Variants in RFX4 observed in about 807,000 individuals in gnomAD.
The protein encoded by RFX4 is regulatory factor X4.
A neutral mutation model predicts 95.0 loss-of-function variants in RFX4; 10 were observed. That is an observed-to-expected ratio of 0.11 (90% confidence interval 0.06 to 0.18). The LOEUF (loss-of-function observed/expected upper bound fraction) is 0.18, where lower values mean the gene tolerates loss of function less well. Ranked by LOEUF, RFX4 falls within the 10% of genes least tolerant of loss-of-function variation. RFX4 has a pLI of 1.00. For synonymous variants in RFX4, 321 were observed against 340.7 expected, an observed-to-expected ratio of 0.94 and a Z score of 0.64; for missense variants, 640 against 922.0, an observed-to-expected ratio of 0.69 and a Z score of 3.96.
intron 3 of RFX4, among the ~76,000 whole-genome samples, chr12:106,643,957 A>G (rs1592888751): frequency 6.6e-6 from 1 of 152,016 alleles, no homozygotes; most frequent in Non-Finnish European, 1.5e-5. Flanking sequence ...TGTATTACAG[A>G]CCCTTCCCTA....
intron 17 of RFX4, among the ~76,000 whole-genome samples, chr12:106,754,230 C>T (rs1301658832): frequency 6.6e-6 from 1 of 152,214 alleles, no homozygotes; most frequent in Non-Finnish European, 1.5e-5. Context: ...TCTCCAACTG[C>T]GTCACACAGA....
At chr12:106,648,482 G>A (rs2040793062) in intron 3 of RFX4, among the ~76,000 whole-genome samples, 1 of 151,548 alleles carries the variant, frequency 6.6e-6, no homozygotes, top group Non-Finnish European at 1.5e-5. Flanking sequence ...TGATTGCTTA[G>A]CAAGGGTTTT....
At chr12:106,660,095 C>A (rs1479494033) in intron 4 of RFX4, among the ~76,000 whole-genome samples, 1 of 151,970 alleles carries the variant, frequency 6.6e-6, no homozygotes, top group African/African-American at 2.4e-5. Flanking sequence ...CCTCAGCACC[C>A]GGGTTCATCC....
chr12:106,665,127 T>G (rs2041150385), intron 4 of RFX4, among the ~76,000 whole-genome samples: 1 of 151,860 alleles, frequency 6.6e-6, no homozygotes, highest in Non-Finnish European at 1.5e-5. Flanking sequence ...AATTTTTCCT[T>G]GCAGTTCTAT....
At chr12:106,704,661 A>T (rs1309186875) in intron 8 of RFX4, among the ~76,000 whole-genome samples, 1 of 152,190 alleles carries the variant, frequency 6.6e-6, no homozygotes, top group East Asian at 1.9e-4. Flanking sequence ...ATAAAAAGAC[A>T]CTATGATAGA....
At chr12:106,693,035 C>T (rs1343281892) in intron 7 of RFX4, 2 of 378,436 alleles carry the variant, frequency 5.3e-6, no homozygotes. Flanking sequence ...AAGCCACAAA[C>T]TTTGATTCTC....
chr12:106,618,602 T>A (rs1188480052), intron 2 of RFX4, among the ~76,000 whole-genome samples: 1 of 152,052 alleles, frequency 6.6e-6, no homozygotes, highest in African/African-American at 2.4e-5. Flanking sequence ...ATATGGTATA[T>A]CTTTTTCATC....
chr12:106,676,691 T>G (rs1459509090), intron 4 of RFX4, among the ~76,000 whole-genome samples: 1 of 152,076 alleles, frequency 6.6e-6, no homozygotes, highest in African/African-American at 2.4e-5. Context: ...GCCTATTGGG[T>G]GCAGGGCCCT....
intron 2 of RFX4, among the ~76,000 whole-genome samples, chr12:106,631,724 G>A (rs919464574): frequency 1.3e-5 from 2 of 152,176 alleles, no homozygotes; most frequent in Non-Finnish European, 2.9e-5. Flanking sequence ...CAATTTCTGT[G>A]TCTAAAAACC....
rs2039403120 is a variant in RFX4 at position 106,583,452 on chromosome 12, A to T, written c.43+89A>T. 7.7e-5 allele frequency: 101 copies of T among 1,315,990 alleles called. No individual in the cohort carries two copies. The South Asian group carries it at 1.5e-3, about 19-fold the overall frequency. 81.5% of individuals were successfully genotyped at this position (1,315,990 alleles called of 1,614,324 possible). A position where few individuals can be genotyped will look rare whatever the true frequency, so the allele number is the denominator to read the frequency against. The stretch of plus-strand genomic sequence containing the variant: ...TTTAGAAAGAAGTTGGGAAAAGTTC[A>T]GACGGGTCAACTTGACAGTGGAACC... On this transcript the variant is annotated intron_variant, in intron 1 of 17. Transcript: ENST00000392842.
In RFX4 at chr12:106,583,295, G is replaced by T. The variant is rs776641835; in HGVS notation, c.-26G>T. The T allele has an allele frequency of 6.4e-7, 1 of 1,565,468 alleles. No homozygotes were observed. Among genetic ancestry groups the T allele is most frequent in the African/African-American group, 1.4e-5 (1 of 71,428 alleles). On this transcript the variant is annotated 5_prime_UTR_variant, in exon 1 of 18. Coordinates refer to ENST00000392842, the MANE Select transcript of RFX4 (RefSeq NM_213594.3). ...CCCCAAACATCAGGACTTTTGGGGG[G>T]CGCCTGTGCTGTCCATGGGAAGAGC...
chr12:106,716,705 G>C (rs1485118714), intron 11 of RFX4, among the ~76,000 whole-genome samples: 1 of 152,050 alleles, frequency 6.6e-6, no homozygotes, highest in African/African-American at 2.4e-5. Flanking sequence ...GAATTTTAGA[G>C]ATCATCACTA....
intron 4 of RFX4, among the ~76,000 whole-genome samples, chr12:106,665,860 A>G (rs1344174014): frequency 6.6e-6 from 1 of 152,034 alleles, no homozygotes; most frequent in African/African-American, 2.4e-5. Context: ...ATATACACAT[A>G]TAATCAAGTA....
chr12:106,704,476 T>C (rs1474356581), intron 8 of RFX4, among the ~76,000 whole-genome samples: 3 of 152,230 alleles, frequency 2.0e-5, no homozygotes, highest in African/African-American at 7.2e-5. Flanking sequence ...TCAAACTTTT[T>C]TGAGTGCCTT....
intron 6 of RFX4, among the ~76,000 whole-genome samples, chr12:106,687,549 C>CAAAAAAAAAAAAAAAAAAAA (rs34562413): frequency 1.4e-5 from 1 of 73,902 alleles, no homozygotes; most frequent in African/African-American, 3.7e-5. Flanking sequence ...AACTCCATCT[C>CAAAAAAAAAAAAAAAAAAAA]AAAAAAAAAA....
intron 8 of RFX4, among the ~76,000 whole-genome samples, chr12:106,697,270 C>G (rs2041898735): frequency 6.6e-6 from 1 of 152,110 alleles, no homozygotes; most frequent in Non-Finnish European, 1.5e-5. Flanking sequence ...GAGTGGCACT[C>G]CTTCCTGTTG....
At chr12:106,669,427 CT>C (rs1300984548) in intron 4 of RFX4, among the ~76,000 whole-genome samples, 20 of 152,148 alleles carry the variant, frequency 1.3e-4, no homozygotes, top group Admixed American at 6.5e-4. Context: ...GAAGATTTGG[CT>C]CCTTTCTCCT....
chr12:106,613,695 T>C (rs192370470), intron 2 of RFX4, among the ~76,000 whole-genome samples: 382 of 152,254 alleles, frequency 2.5e-3, no homozygotes, highest in Middle Eastern at 3.4e-3. Context: ...TATTAGTCTG[T>C]AGTTTTCTTT....
At chr12:106,668,077 C>T (rs1037526622) in intron 4 of RFX4, among the ~76,000 whole-genome samples, 1 of 152,182 alleles carries the variant, frequency 6.6e-6, no homozygotes, top group African/African-American at 2.4e-5. Context: ...AGTGGTCTTA[C>T]TTTTCTCACA....
Sources: allele counts gnomAD v4.1 joint callset (sites outside exome capture counted in the v4.1 genomes callset), GRCh38; gene constraint gnomAD v4.1.1; transcripts MANE v1.5; gene names NCBI Gene and HGNC (gene_info 2026-07-23, HGNC 2026-07-21).